ACSL6: variants seen among roughly 807,000 people sequenced by gnomAD.
ACSL6 encodes the protein acyl-CoA synthetase long chain family member 6, also known as long-chain-fatty-acid--CoA ligase 6.
ACSL6 carries 47 observed loss-of-function variants against 98.2 expected under a neutral mutation model. The observed-to-expected ratio is 0.48, with a 90% CI of 0.38 to 0.61. The LOEUF is 0.61. Ranked by LOEUF, ACSL6 falls within the 20% of genes least tolerant of loss-of-function variation. The pLI is 0.00. For missense variants in ACSL6, 761 were observed against 913.4 expected, an observed-to-expected ratio of 0.83 and a Z score of 2.15; for synonymous variants, 362 against 336.9, an observed-to-expected ratio of 1.07 and a Z score of -0.82.
intron 2 of ACSL6, among the ~76,000 whole-genome samples, chr5:131,992,235 G>C (rs1754564496): frequency 6.6e-6 from 1 of 152,210 alleles, no homozygotes; most frequent in African/African-American, 2.4e-5. Flanking sequence ...GCAATGGTTG[G>C]GGAGGAGGCC....
At chr5:131,993,390 GAC>G (rs1483116196) in intron 2 of ACSL6, 1 of 154,800 alleles carries the variant, frequency 6.5e-6, no homozygotes, top group Non-Finnish European at 1.4e-5. Flanking sequence ...CAAGGAAGAA[GAC>G]ACAAGCTTTT....
In ACSL6 at chr5:131,952,195, T is replaced by C. The variant is rs1752194284; in HGVS notation, c.*2039A>G. 1 of 187,444 alleles carries C rather than the reference T, an allele frequency of 5.3e-6. No individual in the cohort carries two copies. The highest frequency in any genetic ancestry group is 2.3e-5 in the African/African-American group (1 of 42,812). 11.6% of individuals were successfully genotyped at this position (187,444 alleles called of 1,614,324 possible). On this transcript the variant is annotated 3_prime_UTR_variant, in exon 21 of 21. Coordinates refer to ENST00000651883, the MANE Select transcript of ACSL6 (RefSeq NM_001009185.3). ...ATCTAATGCTGTACAGATGTGACTTTGGACATTTTAAGTATTAGTTTATTC... is the reference window on the plus strand; with the variant it reads ...ATCTAATGCTGTACAGATGTGACTTCGGACATTTTAAGTATTAGTTTATTC...
At chr5:131,994,334 G>C (rs1468794860) in intron 1 of ACSL6, 83 bp from the exon 2 acceptor site, 1 of 1,188,222 alleles carries the variant, frequency 8.4e-7, no homozygotes, top group East Asian at 2.5e-5. Context: ...CCTGATATCT[G>C]GTCTGAAACA....
At chr5:131,976,554 AAAAG>A in intron 10 of ACSL6, 90 bp downstream of exon 10, 2 of 1,189,008 alleles carry the variant, frequency 1.7e-6, no homozygotes, top group Non-Finnish European at 2.4e-6. Flanking sequence ...GAAAAAAAAA[AAAAG>A]AAAAAGAAAA....
At position 131,952,810 on chromosome 5, in the gene ACSL6, G is replaced by A. The variant is rs1008782186; in HGVS notation, c.*1424C>T. On this transcript the variant is annotated 3_prime_UTR_variant, in exon 21 of 21. Transcript: ENST00000651883. ...TTTAGGAATGTAATTATGCCATTAG[G>A]CAGTATTTCTTTGTCTATGGACTTA... is the stretch of plus-strand genomic sequence containing the variant. The A allele has an allele frequency of 9.2e-6, 2 of 218,304 alleles. No homozygotes were observed. The highest frequency in any genetic ancestry group is 1.4e-4 in the East Asian group (2 of 14,636). The allele number at this position is 218,304 out of a possible 1,614,324, so 13.5% of individuals were successfully genotyped here. A position where few individuals can be genotyped will look rare whatever the true frequency, so the allele number is the denominator to read the frequency against.
At chr5:131,990,993 A>G in intron 2 of ACSL6, 26 bp from the exon 3 acceptor site, 1 of 1,609,856 alleles carries the variant, frequency 6.2e-7, no homozygotes, top group East Asian at 2.2e-5. Context: ...CGGCCAGAGA[A>G]GTTGGCTGAG....
intron 9 of ACSL6, among the ~76,000 whole-genome samples, chr5:131,978,691 A>ATGCCTG (rs1275354301): frequency 6.6e-6 from 1 of 152,228 alleles, no homozygotes; most frequent in East Asian, 1.9e-4. Context: ...AAGGCACAAG[A>ATGCCTG]TGCCTGAGTT....
chr5:131,985,486 A>C, intron 8 of ACSL6, 28 bp from the exon 9 acceptor site: 1 of 1,612,900 alleles, frequency 6.2e-7, no homozygotes. Flanking sequence ...GGAGTGTGTT[A>C]GGGAGACCCA....
intron 20 of ACSL6, among the ~76,000 whole-genome samples, chr5:131,956,555 C>T (rs1752418399): frequency 6.6e-6 from 1 of 152,152 alleles, no homozygotes; most frequent in Non-Finnish European, 1.5e-5. Flanking sequence ...ACCTACAGCC[C>T]TTGGACTATT....
Position 131,988,219 on chromosome 5 carries a change from G to A in ACSL6, c.660C>T (p.Ile220=). 1.2e-6 allele frequency: 2 copies of A among 1,614,144 alleles called. No individual in the cohort carries two copies. Among genetic ancestry groups the A allele is most frequent in the South Asian group, 2.2e-5 (2 of 91,074 alleles). The change falls in exon 7 of 21, where the codon ATC becomes ATT. Residue 220 remains isoleucine, a synonymous_variant. Transcript: ENST00000651883. ...GAGGTTTGTCCACAATCACGGTGCT[G>A]ATGTCCGCTGCAGGGGGCCATCAAG... ...AIRYIINTAD[I]STVIVDKPQK...
chr5:131,968,587 G>T (rs1753145228), intron 15 of ACSL6, among the ~76,000 whole-genome samples: 2 of 152,186 alleles, frequency 1.3e-5, no homozygotes, highest in African/African-American at 4.8e-5. Flanking sequence ...CACACCACAT[G>T]TTGAATAACA....
At chr5:131,960,728 T>A in intron 18 of ACSL6, 107 bp from the exon 19 acceptor site, 1 of 732,082 alleles carries the variant, frequency 1.4e-6, no homozygotes, top group Non-Finnish European at 2.2e-6. Flanking sequence ...AAAAACTAAG[T>A]ATATGTTTAT....
At chr5:131,971,739 G>A (rs903793064) in intron 13 of ACSL6, 94 bp from the exon 14 acceptor site, 4 of 1,029,722 alleles carry the variant, frequency 3.9e-6, no homozygotes, top group Non-Finnish European at 5.5e-6. Context: ...CCAACAACTG[G>A]GTCCTACCTG....
chr5:131,989,272 G>A, intron 5 of ACSL6, 135 bp downstream of exon 5: 1 of 833,198 alleles, frequency 1.2e-6, no homozygotes. Context: ...GTGGGAAGAG[G>A]AGTGGTGGCA....
At chr5:131,972,395 G>A (rs1254444486) in intron 13 of ACSL6, among the ~76,000 whole-genome samples, 1 of 152,012 alleles carries the variant, frequency 6.6e-6, no homozygotes, top group Non-Finnish European at 1.5e-5. Context: ...TTACAGGGAG[G>A]GGCAAGAGAA....
intron 9 of ACSL6, among the ~76,000 whole-genome samples, chr5:131,978,904 C>T (rs1159910278): frequency 6.6e-6 from 1 of 152,142 alleles, no homozygotes; most frequent in Non-Finnish European, 1.5e-5. Context: ...TTGACTGAAA[C>T]GTATGGTGGA....
chr5:131,986,767 G>A, intron 8 of ACSL6, 55 bp downstream of exon 8: 1 of 1,603,568 alleles, frequency 6.2e-7, no homozygotes, highest in Non-Finnish European at 8.5e-7. Flanking sequence ...ACTCTGTGAG[G>A]ACAGGCCCTG....
intron 9 of ACSL6, chr5:131,983,582 T>A (rs1754013155): frequency 6.6e-6 from 1 of 152,278 alleles, no homozygotes; most frequent in Admixed American, 6.5e-5. Context: ...AAGGCTGATG[T>A]GCCCGACAAG....
In ACSL6 at chr5:131,951,875, CCG is replaced by C. The variant is rs10550537; in HGVS notation, c.*2357_*2358del. ...GTGCTGGGATTACAGGCATGAGCCA[CCG>C]CGCCCAGCCAAAAAGAAGAAATATT... is the stretch of plus-strand genomic sequence containing the variant. On this transcript the variant is annotated 3_prime_UTR_variant, in exon 21 of 21. Coordinates refer to ENST00000651883, the MANE Select transcript of ACSL6 (RefSeq NM_001009185.3). The C allele has an allele frequency of 0.22, 36,583 of 167,584 alleles. 4,370 individuals are homozygous for C. Among genetic ancestry groups the C allele is most frequent in the East Asian group, 0.48 (3,961 of 8,296 alleles). 10.4% of individuals were successfully genotyped at this position (167,584 alleles called of 1,614,324 possible).
Sources: allele counts gnomAD v4.1 joint callset (sites outside exome capture counted in the v4.1 genomes callset), GRCh38; gene constraint gnomAD v4.1.1; transcripts MANE v1.5; gene names NCBI Gene and HGNC (gene_info 2026-07-23, HGNC 2026-07-21).